Variants in NUP210L observed in about 807,000 individuals in gnomAD.
The protein encoded by NUP210L is nucleoporin 210 like.
Under a neutral mutation model 208.5 loss-of-function variants are expected in NUP210L, and 74 were observed. The ratio of observed to expected loss-of-function variants is 0.35; its 90% CI spans 0.29 to 0.43. The LOEUF is 0.43. NUP210L is among the 20% of genes least tolerant of loss of function. The probability of loss-of-function intolerance (pLI) is 1.00; values close to 1 mark genes in which losing one functional copy is unlikely to be tolerated. For synonymous variants in NUP210L, 780 were observed against 816.9 expected (o/e 0.95, Z 0.77); for missense variants, 1,843 against 2,289.4 (o/e 0.81, Z 3.98).
intron 5 of NUP210L, among the ~76,000 whole-genome samples, chr1:154,138,568 C>T (rs1018345271): frequency 6.6e-6 from 1 of 152,120 alleles, no homozygotes; most frequent in Admixed American, 6.6e-5. Context: ...TTTAGCCAAC[C>T]TCCAATTAAC....
chr1:154,110,199 C>T (rs1477772489), intron 12 of NUP210L, among the ~76,000 whole-genome samples: 1 of 149,568 alleles, frequency 6.7e-6, no homozygotes, highest in African/African-American at 2.5e-5. Flanking sequence ...CACGCCACTG[C>T]ACTCCAGCCT....
chr1:154,139,901 C>T (rs753378240), exon 5 of NUP210L: 1 of 1,611,792 alleles, frequency 6.2e-7, no homozygotes, highest in African/African-American at 1.3e-5. Flanking sequence ...CTTTTTCCAT[C>T]TCAGCTATAT....
rs182454463 is a variant in NUP210L, at chr1:154,058,824, G to A, written c.2851-131C>T. On this transcript the variant is annotated intron_variant, in intron 20 of 39. Transcript: ENST00000368559. Reference sequence around the variant, plus strand: ...TGAACTGGGGACTCTCAGACGTCACGTAACATTATTCAGGCATAGCATAAT... The same window carrying A: ...TGAACTGGGGACTCTCAGACGTCACATAACATTATTCAGGCATAGCATAAT... 1.1e-5 allele frequency: 9 copies of A among 800,730 alleles called. No individual in the cohort carries two copies. In the Admixed American group the frequency reaches 1.4e-4, roughly 12 times the overall value. 49.6% of individuals were successfully genotyped at this position (800,730 alleles called of 1,614,324 possible).
rs577378323 is a variant in NUP210L at position 154,069,968 on chromosome 1, G to A, written c.2554+305C>T. Among the ~76,000 whole-genome samples, 9 of 152,148 alleles carry A rather than the reference G, an allele frequency of 5.9e-5. No homozygotes were observed. The East Asian group carries it at 7.7e-4, about 13-fold the overall frequency. Reference sequence around the variant, plus strand: ...TCACAAGGACAGAAAACCAAACACCGCACGTTCTCTCTCAGAGGTGGGAAT... The same window carrying A: ...TCACAAGGACAGAAAACCAAACACCACACGTTCTCTCTCAGAGGTGGGAAT... On this transcript the variant is annotated intron_variant, in intron 17 of 39. Coordinates refer to ENST00000368559, the Ensembl canonical transcript of NUP210L.
intron 13 of NUP210L, 61 bp from the exon 14 acceptor site, chr1:154,100,204 C>T: frequency 6.6e-7 from 1 of 1,514,926 alleles, no homozygotes; most frequent in Non-Finnish European, 9.1e-7. Context: ...AATCCCAGCA[C>T]TTTGGGAGGC....
chr1:154,032,985 AAAG>A (rs1487114508), intron 27 of NUP210L, among the ~76,000 whole-genome samples: 3 of 147,894 alleles, frequency 2.0e-5, no homozygotes, highest in Non-Finnish European at 4.5e-5. Context: ...AAAGAAAAGA[AAAG>A]AAAAGAAAGA....
Position 154,138,164 on chromosome 1 carries a change from G to C in NUP210L, c.792C>G (p.Leu264=), listed in dbSNP as rs759717162. ...GGTATTTAATATATGTTCCTACTAAGAGATAAATATCATGGGATGGTATAA... is the reference window on the plus strand; with the variant it reads ...GGTATTTAATATATGTTCCTACTAACAGATAAATATCATGGGATGGTATAA... Residue 264 remains leucine (L), a synonymous_variant, in exon 6 of 40, where the codon CTC becomes CTG. Coordinates refer to ENST00000368559, the Ensembl canonical transcript of NUP210L. 2.3e-5 allele frequency: 35 copies of C among 1,535,032 alleles called. No homozygotes were observed. In the Middle Eastern group the frequency reaches 5.1e-4, roughly 22 times the overall value.
At chr1:154,106,578 G>A (rs1656771972) in intron 12 of NUP210L, among the ~76,000 whole-genome samples, 1 of 152,230 alleles carries the variant, frequency 6.6e-6, no homozygotes, top group Non-Finnish European at 1.5e-5. Flanking sequence ...CTAGCTTTGG[G>A]TCTGACCCAG....
intron 35 of NUP210L, among the ~76,000 whole-genome samples, chr1:154,006,168 T>C (rs2147896780): frequency 6.6e-6 from 1 of 152,202 alleles, no homozygotes; most frequent in Admixed American, 6.6e-5. Context: ...AAAAACTGCC[T>C]TCATTTTTAT....
intron 35 of NUP210L, among the ~76,000 whole-genome samples, chr1:154,005,854 G>T (rs1650494508): frequency 6.6e-6 from 1 of 152,008 alleles, no homozygotes; most frequent in Non-Finnish European, 1.5e-5. Context: ...CTCCTGAGTG[G>T]CTGGGATTAC....
chr1:154,054,782 C>T, exon 24 of NUP210L: 1 of 1,612,638 alleles, frequency 6.2e-7, no homozygotes, highest in Non-Finnish European at 8.5e-7. Flanking sequence ...GCATCATATT[C>T]ATTGGAATCA....
intron 15 of NUP210L, among the ~76,000 whole-genome samples, chr1:154,091,967 T>A (rs12021641): frequency 6.6e-6 from 1 of 151,960 alleles, no homozygotes; most frequent in East Asian, 1.9e-4. Context: ...AGAAAAATAC[T>A]ACATGATTCC....
At chr1:154,152,316 T>C (rs1323249049) in intron 2 of NUP210L, among the ~76,000 whole-genome samples, 1 of 151,004 alleles carries the variant, frequency 6.6e-6, no homozygotes, top group African/African-American at 2.4e-5. Context: ...GGACTACAGG[T>C]GTGCGCCACC....
intron 18 of NUP210L, 29 bp downstream of exon 18, chr1:154,061,557 A>C (rs1350609534): frequency 3.2e-6 from 4 of 1,258,174 alleles, no homozygotes; most frequent in Non-Finnish European, 2.3e-6. Flanking sequence ...TATTTAATTT[A>C]TATTTCTTAC....
At chr1:154,132,160 G>A (rs1466458739) in intron 7 of NUP210L, among the ~76,000 whole-genome samples, 1 of 152,054 alleles carries the variant, frequency 6.6e-6, no homozygotes, top group Non-Finnish European at 1.5e-5. Context: ...CTCCTCACAC[G>A]TTCTCTTTTC....
intron 2 of NUP210L, among the ~76,000 whole-genome samples, chr1:154,145,227 G>C (rs1423675047): frequency 6.6e-6 from 1 of 150,928 alleles, no homozygotes; most frequent in East Asian, 2.0e-4. Flanking sequence ...AGACCAGTCT[G>C]GCCAACATGA....
rs150112606 is a variant in NUP210L, at chr1:154,038,950, A to C, written c.3696+7119T>G. ...TTTAACTTTTTGTCATTTCTATTAT[A>C]TCTTATTATATTGTCTTTGTCTTGA... is the stretch of plus-strand genomic sequence containing the variant. On this transcript the variant is annotated intron_variant, in intron 27 of 39. Coordinates refer to ENST00000368559, the Ensembl canonical transcript of NUP210L. Among the ~76,000 whole-genome samples the C allele has an allele frequency of 9.5e-3, 1,447 of 152,200 alleles. 16 individuals carry two copies. The highest frequency in any genetic ancestry group is 0.013 in the Non-Finnish European group (880 of 68,008).
chr1:154,089,102 T>G (rs1038592527), intron 16 of NUP210L, among the ~76,000 whole-genome samples: 2 of 152,192 alleles, frequency 1.3e-5, no homozygotes, highest in African/African-American at 4.8e-5. Context: ...TACTTAAGTA[T>G]AGTAAACAAG....
chr1:154,037,513 G>A (rs947524982), intron 27 of NUP210L, among the ~76,000 whole-genome samples: 14 of 151,640 alleles, frequency 9.2e-5, no homozygotes, highest in Non-Finnish European at 1.3e-4. Context: ...GCTCTTTTTT[G>A]GTGCCCATTA....
Sources: gnomAD v4.1 joint callset for allele counts (sites outside exome capture counted in the v4.1 genomes callset) on GRCh38, gnomAD v4.1.1 for gene constraint, MANE v1.5 for transcripts, NCBI Gene and HGNC (gene_info 2026-07-23, HGNC 2026-07-21) for gene names.